Variants in MTMR10 observed in about 807,000 individuals in gnomAD.
MTMR10 encodes the protein myotubularin related protein 10.
Under a neutral mutation model 88.1 loss-of-function variants are expected in MTMR10, and 56 were observed. The observed-to-expected ratio is 0.64, with a 90% CI of 0.51 to 0.79. The LOEUF is 0.79. Among genes scored for constraint, MTMR10 ranks in the 30% least tolerant of loss-of-function variants. The pLI is 0.00. For missense variants in MTMR10, 883 were observed against 924.7 expected, an observed-to-expected ratio of 0.95 and a Z score of 0.58; for synonymous variants, 380 against 340.9, an observed-to-expected ratio of 1.11 and a Z score of -1.26.
At chr15:30,938,597 T>C (rs896136642), downstream of MTMR10, among the ~76,000 whole-genome samples, 2 of 152,132 alleles carry the variant, frequency 1.3e-5, no homozygotes, top group Non-Finnish European at 2.9e-5. Flanking sequence ...GGGGGTGTGG[T>C]AGAAAGGTGA....
chr15:30,981,521 G>C (rs1408003197), intron 2 of MTMR10, among the ~76,000 whole-genome samples: 1 of 152,172 alleles, frequency 6.6e-6, no homozygotes. Flanking sequence ...TCCAAACCAA[G>C]AGGCATACTA....
At chr15:30,931,001 T>C in the MTMR10 span, among the ~76,000 whole-genome samples, 1 of 152,198 alleles carries the variant, frequency 6.6e-6, no homozygotes, top group Non-Finnish European at 1.5e-5. Context: ...ACAACGGGTG[T>C]GGACACCAGG....
At chr15:30,921,814 C>A in the MTMR10 span, among the ~76,000 whole-genome samples, 1 of 152,166 alleles carries the variant, frequency 6.6e-6, no homozygotes, top group African/African-American at 2.4e-5. Context: ...TGAGGACACC[C>A]CTCATTACTT....
At chr15:30,925,820 G>C in the MTMR10 span, 1 of 1,614,190 alleles carries the variant, frequency 6.2e-7, no homozygotes, top group Non-Finnish European at 8.5e-7. Context: ...TGCCCACAGC[G>C]TGGGATGTGC....
At chr15:30,980,424 A>G (rs915313936) in intron 2 of MTMR10, among the ~76,000 whole-genome samples, 1 of 152,236 alleles carries the variant, frequency 6.6e-6, no homozygotes, top group Non-Finnish European at 1.5e-5. Flanking sequence ...GGCTAGATTA[A>G]GAGTTTGAGA....
intron 6 of MTMR10, among the ~76,000 whole-genome samples, chr15:30,962,901 T>G (rs1324869912): frequency 6.6e-6 from 1 of 152,164 alleles, no homozygotes; most frequent in Non-Finnish European, 1.5e-5. Context: ...AGTCAAAAGT[T>G]GCCAGGTAGC....
chr15:30,973,024 T>G (rs185288156), intron 5 of MTMR10, among the ~76,000 whole-genome samples: 1 of 152,340 alleles, frequency 6.6e-6, no homozygotes, highest in Admixed American at 6.5e-5. Context: ...AGCAGGTCTT[T>G]GATGCTTTGA....
the MTMR10 span, among the ~76,000 whole-genome samples, chr15:30,929,602 AT>A: frequency 1.6e-5 from 2 of 125,388 alleles, no homozygotes; most frequent in African/African-American, 6.9e-5. Flanking sequence ...TATATATTAC[AT>A]ATTACATATA....
At position 30,960,984 on chromosome 15, in the gene MTMR10, G is replaced by C; in HGVS notation, c.655C>G (p.Pro219Ala). 9 of 1,595,592 alleles carry C rather than the reference G, an allele frequency of 5.6e-6. No individual in the cohort carries two copies. Among genetic ancestry groups the C allele is most frequent in the Non-Finnish European group, 7.7e-6 (9 of 1,169,982 alleles). ...GAGGGSSQKT[P>A]LFETYSDWDR... ...CAATCCGAGTAAGTTTCAAAGAGTG[G>C]AGTTTTCTGGCTGCTGCCACCACCA... Residue 219 changes from proline to alanine, a missense_variant, in exon 7 of 16, where the codon CCA becomes GCA. This residue lies in a region of MTMR10 where 414 missense variants were observed against 423.2 expected (regional missense o/e 0.98). Coordinates refer to ENST00000435680, the MANE Select transcript of MTMR10 (RefSeq NM_017762.3).
chr15:30,965,459 C>T (rs762805568), intron 6 of MTMR10, among the ~76,000 whole-genome samples: 9 of 152,110 alleles, frequency 5.9e-5, no homozygotes, highest in Non-Finnish European at 8.8e-5. Context: ...ATTTTTGGTC[C>T]AGAAGCATAA....
At chr15:30,942,209 T>C in intron 15 of MTMR10, 137 bp from the exon 16 acceptor site, 1 of 1,073,714 alleles carries the variant, frequency 9.3e-7, no homozygotes, top group Non-Finnish European at 1.3e-6. Context: ...TCCCTTCCTT[T>C]GTGTCCTTAT....
chr15:30,922,370 AC>A, the MTMR10 span: 26 of 1,584,942 alleles, frequency 1.6e-5, no homozygotes, highest in Admixed American at 4.0e-5. Context: ...CAGTAACAAA[AC>A]ATATCTGAAA....
At chr15:30,969,319 T>C (rs1043962703) in intron 5 of MTMR10, among the ~76,000 whole-genome samples, 1 of 152,130 alleles carries the variant, frequency 6.6e-6, no homozygotes, top group Non-Finnish European at 1.5e-5. Context: ...TCAATACCTA[T>C]AGGAGAGCTT....
At chr15:30,970,356 G>T (rs1444280409) in intron 5 of MTMR10, among the ~76,000 whole-genome samples, 2 of 152,038 alleles carry the variant, frequency 1.3e-5, no homozygotes, top group African/African-American at 4.8e-5. Context: ...TAATAGAGCA[G>T]GGAAGGGGAA....
intron 6 of MTMR10, among the ~76,000 whole-genome samples, chr15:30,965,554 C>CA (rs1201669723): frequency 1.3e-5 from 2 of 152,256 alleles, no homozygotes; most frequent in East Asian, 3.9e-4. Flanking sequence ...CTGATGAAAA[C>CA]AGAGTCCTCA....
intron 2 of MTMR10, among the ~76,000 whole-genome samples, chr15:30,985,812 G>C (rs1363052067): frequency 1.3e-5 from 2 of 152,178 alleles, no homozygotes; most frequent in Non-Finnish European, 2.9e-5. Flanking sequence ...CTTTTCAACA[G>C]ATTCTTCTGG....
chr15:30,938,564 T>C (rs1347804886), downstream of MTMR10, among the ~76,000 whole-genome samples: 1 of 152,096 alleles, frequency 6.6e-6, no homozygotes. Flanking sequence ...ATCACCATTG[T>C]GGGAGGGTCT....
Position 30,975,864 on chromosome 15 carries a change from G to A in MTMR10, c.259-861C>T, listed in dbSNP as rs757999992. 2.6e-5 allele frequency among the ~76,000 whole-genome samples: 4 copies of A among 152,174 alleles called. No homozygotes were observed. In the South Asian group the frequency reaches 6.2e-4, roughly 24 times the overall value. On this transcript the variant is annotated intron_variant, in intron 3 of 15. Coordinates refer to ENST00000435680, the MANE Select transcript of MTMR10 (RefSeq NM_017762.3). ...AACAATTACTATAAAGAAAGATCTA[G>A]GGGTAAGTGTGTATAATACTTTATA...
chr15:30,978,144 T>C (rs2030297644), intron 2 of MTMR10, among the ~76,000 whole-genome samples: 1 of 152,208 alleles, frequency 6.6e-6, no homozygotes, highest in Non-Finnish European at 1.5e-5. Flanking sequence ...CCAACCACTG[T>C]CTAGGGAATG....
Sources: gnomAD v4.1 joint callset for allele counts (sites outside exome capture counted in the v4.1 genomes callset) on GRCh38, gnomAD v4.1.1 for gene constraint, gnomAD v4.1.1 regional missense constraint, MANE v1.5 for transcripts, NCBI Gene and HGNC (gene_info 2026-07-23, HGNC 2026-07-21) for gene names.